Variants in DNTT observed in about 807,000 individuals in gnomAD.
DNTT encodes nucleosidetriphosphate:DNA deoxynucleotidylexotransferase.
In DNTT, 47 loss-of-function variants were observed where a neutral mutation model predicts 60.9. That is an observed-to-expected ratio of 0.77 (90% CI 0.61 to 0.98). DNTT has a LOEUF of 0.98. Ranked by LOEUF, DNTT falls within the 50% of genes least tolerant of loss-of-function variation. The pLI, the probability that DNTT is intolerant of heterozygous loss-of-function variation, is 0.00. For synonymous variants in DNTT, 224 were observed against 221.2 expected (o/e 1.01, Z -0.11); for missense variants, 665 against 627.5 (o/e 1.06, Z -0.64).
chr10:96,324,249 C>T lies in DNTT; in HGVS notation c.751-17C>T. 4.4e-6 allele frequency: 7 copies of T among 1,609,058 alleles called. No individual in the cohort carries two copies. The highest frequency in any genetic ancestry group is 6.0e-6 in the Non-Finnish European group (7 of 1,176,382). Reference sequence around the variant, plus strand: ...ATTATCTTAGAGACTGATGGCATGCCTTTCCCTCCATTTTAGCTCTTTACT... The same window carrying T: ...ATTATCTTAGAGACTGATGGCATGCTTTTCCCTCCATTTTAGCTCTTTACT... On this transcript the variant is annotated splice_polypyrimidine_tract_variant and intron_variant, in intron 5 of 10. Transcript: ENST00000371174.
At chr10:96,307,548 G>T (rs1245125043) in intron 1 of DNTT, among the ~76,000 whole-genome samples, 3 of 149,630 alleles carry the variant, frequency 2.0e-5, no homozygotes, top group Admixed American at 2.0e-4. Flanking sequence ...TAGAGTTGGG[G>T]TTTCACGATG....
At chr10:96,309,296 TA>T (rs1223338723) in intron 1 of DNTT, among the ~76,000 whole-genome samples, 1 of 152,174 alleles carries the variant, frequency 6.6e-6, no homozygotes, top group Non-Finnish European at 1.5e-5. Context: ...TGTTAGTACC[TA>T]CTCTGTGCAG....
At position 96,324,403 on chromosome 10, in the gene DNTT, C is replaced by G; in HGVS notation, c.874+14C>G. On this transcript the variant is annotated intron_variant, in intron 6 of 10. Coordinates refer to ENST00000371174, the MANE Select transcript of DNTT (RefSeq NM_004088.4). ...TGCAGAAAGCAGGTAAATTGTCTCT[C>G]CTAAAAGTCATTGTTGCTATGGGCT... 6.2e-7 allele frequency: 1 copy of G among 1,613,418 alleles called. No homozygotes were observed. Among genetic ancestry groups the G allele is most frequent in the South Asian group, 1.1e-5 (1 of 91,014 alleles).
At chr10:96,318,767 T>C (rs1271160736) in intron 2 of DNTT, among the ~76,000 whole-genome samples, 7 of 152,218 alleles carry the variant, frequency 4.6e-5, no homozygotes, top group Non-Finnish European at 1.0e-4. Context: ...CTGAACACAA[T>C]GTGTTGACTA....
intron 1 of DNTT, among the ~76,000 whole-genome samples, chr10:96,305,646 T>C (rs780637052): frequency 6.6e-6 from 1 of 152,208 alleles, no homozygotes; most frequent in Non-Finnish European, 1.5e-5. Flanking sequence ...AAAAATTTTA[T>C]GTGAAAGGAC....
chr10:96,318,697 A>G (rs1258708919), intron 2 of DNTT, among the ~76,000 whole-genome samples, 171 bp downstream of exon 2: 1 of 152,198 alleles, frequency 6.6e-6, no homozygotes, highest in African/African-American at 2.4e-5. Context: ...AATATGACAT[A>G]ACGATAATGC....
intron 4 of DNTT, among the ~76,000 whole-genome samples, chr10:96,321,575 A>C (rs1214027758): frequency 6.6e-6 from 1 of 152,042 alleles, no homozygotes; most frequent in African/African-American, 2.4e-5. Context: ...GAAGCTGCTG[A>C]TTACCAATTT....
At position 96,304,478 on chromosome 10, in the gene DNTT, GGCA is replaced by G. The variant is rs1417490002; in HGVS notation, c.-11_-9del. On this transcript the variant is annotated 5_prime_UTR_variant, in exon 1 of 11. Transcript: ENST00000371174. Reference sequence around the variant, plus strand: ...GACACCACCAGATGGGCCAGCCAGAGGCAGCAGCAGCCTCTTCCCATGGATCCA... The same window carrying G: ...GACACCACCAGATGGGCCAGCCAGAGGCAGCAGCCTCTTCCCATGGATCCA... The G allele has an allele frequency of 6.2e-7, 1 of 1,612,702 alleles. No homozygotes were observed. Among genetic ancestry groups the G allele is most frequent in the Non-Finnish European group, 8.5e-7 (1 of 1,179,958 alleles).
chr10:96,314,826 T>G (rs1305326588), intron 1 of DNTT, among the ~76,000 whole-genome samples: 1 of 152,170 alleles, frequency 6.6e-6, no homozygotes, highest in East Asian at 1.9e-4. Flanking sequence ...AGTAATATTC[T>G]AATATTGTTA....
rs1844970443 is a variant in DNTT at position 96,328,806 on chromosome 10, A to C, written c.1089A>C (p.Lys363Asn). 1.2e-6 allele frequency: 2 copies of C among 1,613,482 alleles called. No individual in the cohort carries two copies. Among genetic ancestry groups the C allele is most frequent in the African/African-American group, 2.7e-5 (2 of 74,912 alleles). ...STEDEEQLLQ[K>N]VMNLWEKKGL... Reference sequence around the variant, plus strand: ...AGGATGAAGAGCAACTTTTACAGAAAGTGATGAACTTATGGGAAAAGAAGG... The same window carrying C: ...AGGATGAAGAGCAACTTTTACAGAACGTGATGAACTTATGGGAAAAGAAGG... Residue 363 changes from lysine to asparagine, a missense_variant, in exon 8 of 11, where the codon AAA becomes AAC. By Grantham distance (94) the Lys-to-Asn change is moderately conservative (BLOSUM62 0). Transcript: ENST00000371174.
At chr10:96,310,953 T>C (rs1638324735) in intron 1 of DNTT, among the ~76,000 whole-genome samples, 1 of 152,232 alleles carries the variant, frequency 6.6e-6, no homozygotes, top group Non-Finnish European at 1.5e-5. Flanking sequence ...CTTGCTCTGA[T>C]CCAAATTACT....
intron 10 of DNTT, 147 bp downstream of exon 10, chr10:96,336,121 C>A (rs1845066190): frequency 3.8e-6 from 3 of 795,434 alleles, no homozygotes; most frequent in East Asian, 2.6e-5. Flanking sequence ...TTGAGGGCAG[C>A]AAGAAAGATT....
In DNTT at chr10:96,319,390, G is replaced by A. The variant is rs768463311; in HGVS notation, c.507G>A (p.Thr169=). The A allele has an allele frequency of 6.8e-6, 11 of 1,613,342 alleles. No homozygotes were observed. Among genetic ancestry groups the A allele is most frequent in the Admixed American group, 1.7e-5 (1 of 59,980 alleles). ...TAAACAACTGTAACCAGATATTCAC[G>A]GTAACGGGACTTTACATCAACACCC... is the stretch of plus-strand genomic sequence containing the variant. ...TTLNNCNQIF[T]DAFDILAENC... The change falls in exon 3 of 11, where the codon ACG becomes ACA. Residue 169 remains threonine (T), a splice_region_variant and synonymous_variant. Coordinates refer to ENST00000371174, the MANE Select transcript of DNTT (RefSeq NM_004088.4).
intron 1 of DNTT, among the ~76,000 whole-genome samples, chr10:96,305,187 C>T (rs565035225): frequency 6.6e-6 from 1 of 152,228 alleles, no homozygotes; most frequent in Admixed American, 6.5e-5. Flanking sequence ...ACCACAGGCA[C>T]CCAGATGTGG....
At chr10:96,330,316 CTTTTT>C (rs34863236) in intron 8 of DNTT, among the ~76,000 whole-genome samples, 41 of 140,456 alleles carry the variant, frequency 2.9e-4, no homozygotes, top group Admixed American at 1.5e-3. Context: ...GCTTTGTGGG[CTTTTT>C]TTTTTTTTTT....
At chr10:96,328,631 A>G (rs566315939) in intron 7 of DNTT, 94 bp from the exon 8 acceptor site, 2 of 1,261,450 alleles carry the variant, frequency 1.6e-6, no homozygotes, top group East Asian at 2.4e-5. Flanking sequence ...TATGTTGCAA[A>G]TCTTAAGCAT....
chr10:96,318,437 T>G lies in DNTT; in HGVS notation c.289T>G (p.Ser97Ala). The change falls in exon 2 of 11, where the codon TCA (serine) becomes GCA (alanine). Residue 97 changes from serine (S) to alanine (A), a missense_variant. Ser to Ala is a moderately conservative substitution (Grantham distance 99). Coordinates refer to ENST00000371174, the MANE Select transcript of DNTT (RefSeq NM_004088.4). ...WLQAQKVQVS[S>A]QPELLDVSWL... is the part of the protein sequence containing the mutation. ...TCAAGCACAGAAAGTACAAGTCAGC[T>G]CACAACCAGAGCTCCTCGATGTCTC... is the stretch of plus-strand genomic sequence containing the variant. 5 of 1,613,934 alleles carry G rather than the reference T, an allele frequency of 3.1e-6. No individual in the cohort carries two copies. Among genetic ancestry groups the G allele is most frequent in the Non-Finnish European group, 4.2e-6 (5 of 1,179,866 alleles).
Position 96,327,479 on chromosome 10 carries a change from T to C in DNTT, c.886T>C (p.Tyr296His). The C allele has an allele frequency of 6.2e-7, 1 of 1,614,096 alleles. No homozygotes were observed. The change falls in exon 7 of 11, where the codon TAT (tyrosine) becomes CAT (histidine). Residue 296 changes from tyrosine to histidine, a missense_variant. Coordinates refer to ENST00000371174, the MANE Select transcript of DNTT (RefSeq NM_004088.4). ...TRMQKAGFLYYEDLVSCVTRA... is the reference protein window; with the variant it reads ...TRMQKAGFLYHEDLVSCVTRA... ...AAATGGCCTCTCAGGATTTCTGTAT[T>C]ATGAAGACCTTGTCAGCTGTGTGAC...
intron 1 of DNTT, among the ~76,000 whole-genome samples, chr10:96,308,838 G>T (rs1375913656): frequency 2.0e-5 from 3 of 152,182 alleles, no homozygotes. Flanking sequence ...CTTCTTAAGG[G>T]TGGGGGAGAT....
Sources: gnomAD v4.1 joint callset for allele counts (sites outside exome capture counted in the v4.1 genomes callset) on GRCh38, gnomAD v4.1.1 for gene constraint, MANE v1.5 for transcripts, NCBI Gene and HGNC (gene_info 2026-07-23, HGNC 2026-07-21) for gene names.